WDFY2: variants seen among roughly 807,000 people sequenced by gnomAD.
WDFY2 encodes WD repeat and FYVE domain containing 2.
In WDFY2, 36 loss-of-function variants were observed where a neutral mutation model predicts 56.4. That is an observed-to-expected ratio of 0.64 (90% CI 0.49 to 0.84). The LOEUF is 0.84. Ranked by LOEUF, WDFY2 falls within the 40% of genes least tolerant of loss-of-function variation. The pLI is 0.00. For missense variants in WDFY2, 444 were observed against 512.2 expected (o/e 0.87, Z 1.29); for synonymous variants, 176 against 183.7 (o/e 0.96, Z 0.34).
In WDFY2 at chr13:51,741,370, G is replaced by A. The variant is rs74086253; in HGVS notation, c.725+2195G>A. ...CTCCTTGTCATCAGGTTTTAACCCC[G>A]GGGAGGGGTTGCTCTGGTATCACAG... On this transcript the variant is annotated intron_variant, in intron 7 of 11. Transcript: ENST00000298125. Among the ~76,000 whole-genome samples, 505 of 152,308 alleles carry A rather than the reference G, an allele frequency of 3.3e-3. 3 individuals are homozygous for A. Among genetic ancestry groups the A allele is most frequent in the African/African-American group, 0.012 (484 of 41,580 alleles).
At chr13:51,741,288 G>T (rs557540767) in intron 7 of WDFY2, among the ~76,000 whole-genome samples, 6 of 152,334 alleles carry the variant, frequency 3.9e-5, no homozygotes, top group African/African-American at 1.4e-4. Flanking sequence ...GAAGGCCTTT[G>T]CCTGGTGCTT....
At chr13:51,647,874 TAC>T (rs766484438) in intron 1 of WDFY2, among the ~76,000 whole-genome samples, 2 of 151,960 alleles carry the variant, frequency 1.3e-5, no homozygotes, top group African/African-American at 4.8e-5. Flanking sequence ...TATGCATGTA[TAC>T]ACACACACAC....
chr13:51,695,041 T>G (rs1196910252), intron 3 of WDFY2, among the ~76,000 whole-genome samples: 1 of 152,244 alleles, frequency 6.6e-6, no homozygotes, highest in Admixed American at 6.5e-5. Context: ...ATCAGCTCCT[T>G]TAAGCACTTC....
intron 1 of WDFY2, among the ~76,000 whole-genome samples, chr13:51,634,670 G>T (rs542074207): frequency 6.6e-6 from 1 of 151,376 alleles, no homozygotes; most frequent in African/African-American, 2.4e-5. Flanking sequence ...AATTAGCCAG[G>T]TGTGGTGGTG....
chr13:51,754,140 G>C (rs1234296143), intron 8 of WDFY2, among the ~76,000 whole-genome samples: 1 of 151,564 alleles, frequency 6.6e-6, no homozygotes, highest in Non-Finnish European at 1.5e-5. Flanking sequence ...TGTTAGTCTG[G>C]TTCTATTTCC....
At chr13:51,745,536 A>T (rs1037183570) in intron 7 of WDFY2, among the ~76,000 whole-genome samples, 4 of 152,054 alleles carry the variant, frequency 2.6e-5, no homozygotes, top group African/African-American at 9.7e-5. Context: ...AGAGTTGTAA[A>T]TAGATCAGTA....
chr13:51,661,382 T>G (rs1208473968), intron 2 of WDFY2, among the ~76,000 whole-genome samples: 1 of 152,182 alleles, frequency 6.6e-6, no homozygotes, highest in African/African-American at 2.4e-5. Context: ...TTATTTAAAT[T>G]TATTATTACT....
chr13:51,686,451 C>G (rs1956063915), intron 3 of WDFY2, among the ~76,000 whole-genome samples: 3 of 152,066 alleles, frequency 2.0e-5, no homozygotes, highest in Non-Finnish European at 4.4e-5. Context: ...AGTTAAAGAG[C>G]AGTGTATTTT....
At chr13:51,707,505 A>C (rs1402227977) in intron 4 of WDFY2, among the ~76,000 whole-genome samples, 1 of 152,242 alleles carries the variant, frequency 6.6e-6, no homozygotes, top group Non-Finnish European at 1.5e-5. Flanking sequence ...ATAGAATTAT[A>C]TACCCAGAGA....
At chr13:51,587,508 T>A (rs1953966885) in intron 1 of WDFY2, 1 of 152,254 alleles carries the variant, frequency 6.6e-6, no homozygotes, top group Non-Finnish European at 1.5e-5. Flanking sequence ...ATGAAAGGCT[T>A]ATGTGGACAA....
At chr13:51,660,072 A>G (rs749302192) in intron 1 of WDFY2, among the ~76,000 whole-genome samples, 12 of 152,238 alleles carry the variant, frequency 7.9e-5, no homozygotes, top group Non-Finnish European at 1.3e-4. Context: ...AAAGAGTTAT[A>G]TATAATTCTG....
At chr13:51,595,478 G>C (rs1954127477) in intron 1 of WDFY2, among the ~76,000 whole-genome samples, 1 of 152,122 alleles carries the variant, frequency 6.6e-6, no homozygotes, top group African/African-American at 2.4e-5. Context: ...ACGGAGCTGT[G>C]CCAAGCCATG....
intron 7 of WDFY2, among the ~76,000 whole-genome samples, chr13:51,741,102 T>G (rs989592874): frequency 1.3e-5 from 2 of 152,212 alleles, no homozygotes; most frequent in African/African-American, 4.8e-5. Flanking sequence ...AATAAAACTT[T>G]AACAAATAGC....
intron 3 of WDFY2, among the ~76,000 whole-genome samples, chr13:51,694,636 T>C (rs1211417694): frequency 2.0e-5 from 3 of 152,170 alleles, no homozygotes; most frequent in Non-Finnish European, 4.4e-5. Flanking sequence ...ATTTCAACTT[T>C]GGTGAATGTG....
At chr13:51,604,713 C>T (rs1455025948) in intron 1 of WDFY2, among the ~76,000 whole-genome samples, 2 of 152,218 alleles carry the variant, frequency 1.3e-5, no homozygotes, top group Non-Finnish European at 2.9e-5. Context: ...GGCTACCATA[C>T]TGAACAGTGC....
At chr13:51,685,666 G>A (rs1415660802) in intron 3 of WDFY2, among the ~76,000 whole-genome samples, 1 of 152,112 alleles carries the variant, frequency 6.6e-6, no homozygotes, top group African/African-American at 2.4e-5. Context: ...AGGAAGAAGA[G>A]GGGTTGGTTT....
rs1397504951 is a variant in WDFY2, at chr13:51,694,676, T to G, written c.280-8920T>G. On this transcript the variant is annotated intron_variant, in intron 3 of 11. Coordinates refer to ENST00000298125, the MANE Select transcript of WDFY2 (RefSeq NM_052950.4). ...TTATGTGTCTTGGAGTTGCTCTTCT[T>G]GAGGAGTATCTTTGTGGCGTTCTCT... 3.3e-5 allele frequency among the ~76,000 whole-genome samples: 5 copies of G among 152,156 alleles called. No homozygotes were observed. The East Asian group carries it at 5.8e-4, about 18-fold the overall frequency.
chr13:51,626,914 G>A (rs1271900773), intron 1 of WDFY2, among the ~76,000 whole-genome samples: 1 of 152,200 alleles, frequency 6.6e-6, no homozygotes, highest in Non-Finnish European at 1.5e-5. Context: ...TGTGCTGCCA[G>A]CCCAGATCCC....
chr13:51,586,314 G>A (rs561623563), intron 1 of WDFY2: 1 of 359,338 alleles, frequency 2.8e-6, no homozygotes, highest in African/African-American at 2.1e-5. Flanking sequence ...TACTGGAGAT[G>A]GAACTGATCA....
Sources: allele counts gnomAD v4.1 joint callset (sites outside exome capture counted in the v4.1 genomes callset), GRCh38; gene constraint gnomAD v4.1.1; transcripts MANE v1.5; gene names NCBI Gene and HGNC (gene_info 2026-07-23, HGNC 2026-07-21).